Variants in ITPK1 observed in about 807,000 individuals in gnomAD.
ITPK1 encodes the protein inositol 1,3,4-trisphosphate 5/6-kinase.
Under a neutral mutation model 45.3 loss-of-function variants are expected in ITPK1, and 21 were observed. That is an observed-to-expected ratio of 0.46 (90% CI 0.33 to 0.67). The LOEUF (loss-of-function observed/expected upper bound fraction) is 0.67, where lower values mean the gene tolerates loss of function less well. Ranked by LOEUF, ITPK1 falls within the 30% of genes least tolerant of loss-of-function variation. The pLI, the probability that ITPK1 is intolerant of heterozygous loss-of-function variation, is 0.02. For missense variants in ITPK1, 474 were observed against 573.5 expected (o/e 0.83, Z 1.77); for synonymous variants, 258 against 253.6 (o/e 1.02, Z -0.16).
intron 5 of ITPK1, among the ~76,000 whole-genome samples, chr14:92,981,808 T>C (rs1886245403): frequency 6.6e-6 from 1 of 151,910 alleles, no homozygotes; most frequent in East Asian, 1.9e-4. Flanking sequence ...AAAGGGTCTG[T>C]GAGTAGGGAG....
intron 3 of ITPK1, among the ~76,000 whole-genome samples, chr14:93,075,397 C>T (rs1464108661): frequency 7.1e-6 from 1 of 140,500 alleles, no homozygotes; most frequent in Non-Finnish European, 1.5e-5. Flanking sequence ...GCAGAACATG[C>T]AATTCTCCAG....
rs747076 is a variant in ITPK1 at position 93,002,606 on chromosome 14, C to T, written c.247-8609G>A. Among the ~76,000 whole-genome samples the T allele has an allele frequency of 4.9e-3, 741 of 152,326 alleles. 6 individuals are homozygous for T. The highest frequency in any genetic ancestry group is 0.017 in the African/African-American group (715 of 41,554). On this transcript the variant is annotated intron_variant, in intron 4 of 10. Transcript: ENST00000267615. ...ACTACCCCAAGGCGAGGCCACCAGC[C>T]TGACAGTCCAGGGAGGCCGGGTGTG...
chr14:93,093,713 G>A (rs1210273006), intron 2 of ITPK1, among the ~76,000 whole-genome samples: 1 of 152,198 alleles, frequency 6.6e-6, no homozygotes, highest in Admixed American at 6.5e-5. Context: ...AGGAATAGCC[G>A]AGGTTGCTAA....
At chr14:92,948,317 G>A (rs1012578712) in intron 9 of ITPK1, among the ~76,000 whole-genome samples, 4 of 152,092 alleles carry the variant, frequency 2.6e-5, no homozygotes, top group Non-Finnish European at 4.4e-5. Context: ...TGAATTATTC[G>A]CTTTAAAATG....
At chr14:93,045,395 C>T (rs1889730477) in intron 3 of ITPK1, among the ~76,000 whole-genome samples, 1 of 152,220 alleles carries the variant, frequency 6.6e-6, no homozygotes, top group Admixed American at 6.5e-5. Context: ...TGGAAGTAGG[C>T]TATGCTGCCC....
At chr14:93,085,086 CCCCTGCCCGCCTG>C (rs1280994494) in intron 2 of ITPK1, among the ~76,000 whole-genome samples, 2 of 152,242 alleles carry the variant, frequency 1.3e-5, no homozygotes, top group Admixed American at 1.3e-4. Context: ...CCCCGTGTCA[CCCCTGCCCGCCTG>C]CCCTGCGGCA....
intron 8 of ITPK1, among the ~76,000 whole-genome samples, chr14:92,955,037 G>T (rs1338294419): frequency 6.6e-6 from 1 of 152,178 alleles, no homozygotes; most frequent in Non-Finnish European, 1.5e-5. Context: ...CCTAGTCCCT[G>T]ACTGGATCCC....
chr14:92,947,200 A>G (rs1887732518), intron 9 of ITPK1, among the ~76,000 whole-genome samples: 1 of 152,234 alleles, frequency 6.6e-6, no homozygotes, highest in Non-Finnish European at 1.5e-5. Flanking sequence ...GCTGTTTCCA[A>G]ATGAACTCAC....
chr14:93,012,772 G>T lies in ITPK1; in HGVS notation c.246+3904C>A, dbSNP rs1001751466. ...CCGTCCTTCCAGCTGATAAAGACAGGGCAAAGGCAGCAGTTGAGACTGAAA... is the reference window on the plus strand; with the variant it reads ...CCGTCCTTCCAGCTGATAAAGACAGTGCAAAGGCAGCAGTTGAGACTGAAA... On this transcript the variant is annotated intron_variant, in intron 4 of 10. Coordinates refer to ENST00000267615, the MANE Select transcript of ITPK1 (RefSeq NM_014216.6). This position sits in a 1 kb window ranked among gnomAD's most constrained non-coding sequence, Gnocchi z 4.9. Among the ~76,000 whole-genome samples, 1 of 152,166 alleles carries T rather than the reference G, an allele frequency of 6.6e-6. No homozygotes were observed. The highest frequency in any genetic ancestry group is 1.9e-4 in the East Asian group (1 of 5,202).
chr14:92,942,655 C>A, intron 10 of ITPK1, among the ~76,000 whole-genome samples: 1 of 152,226 alleles, frequency 6.6e-6, no homozygotes, highest in Non-Finnish European at 1.5e-5. Context: ...ATCACATGCT[C>A]CCCTTAACAG....
At chr14:93,019,113 T>C (rs1364787145) in intron 3 of ITPK1, among the ~76,000 whole-genome samples, 3 of 152,178 alleles carry the variant, frequency 2.0e-5, no homozygotes, top group African/African-American at 4.8e-5. Flanking sequence ...CCATTTCCAC[T>C]ACAGCCTGTG....
intron 2 of ITPK1, among the ~76,000 whole-genome samples, chr14:93,091,685 T>A (rs2140007065): frequency 6.6e-6 from 1 of 152,276 alleles, no homozygotes; most frequent in East Asian, 1.9e-4. Context: ...CATAGTGGCA[T>A]CCAGTCAGTG....
intron 8 of ITPK1, among the ~76,000 whole-genome samples, chr14:92,957,276 G>A (rs1488871631): frequency 6.6e-6 from 1 of 152,232 alleles, no homozygotes; most frequent in Non-Finnish European, 1.5e-5. Context: ...CAGCTGATTT[G>A]AACAAGCCAC....
intron 2 of ITPK1, among the ~76,000 whole-genome samples, chr14:93,077,053 T>A (rs540632949): frequency 6.6e-6 from 1 of 152,230 alleles, no homozygotes; most frequent in African/African-American, 2.4e-5. Flanking sequence ...CAGCCAGTCA[T>A]GCCCCAACCC....
chr14:93,053,426 C>A (rs1381170805), intron 3 of ITPK1, among the ~76,000 whole-genome samples: 1 of 152,220 alleles, frequency 6.6e-6, no homozygotes, highest in African/African-American at 2.4e-5. Flanking sequence ...AGCCAGTGCT[C>A]AAGAGCTGCC....
chr14:93,033,107 C>G (rs528191377), intron 3 of ITPK1, among the ~76,000 whole-genome samples: 3 of 152,218 alleles, frequency 2.0e-5, no homozygotes, highest in Non-Finnish European at 4.4e-5. Flanking sequence ...TCAGCACACT[C>G]AAATTTGTTG....
chr14:93,058,121 A>G (rs1214610276), intron 3 of ITPK1, among the ~76,000 whole-genome samples: 1 of 152,044 alleles, frequency 6.6e-6, no homozygotes, highest in Non-Finnish European at 1.5e-5. Context: ...CAGCAACAGA[A>G]GGAATGAAGG....
rs376125197 is a variant in ITPK1 at position 92,958,226 on chromosome 14, G to C, written c.645C>G (p.Leu215=). 2 of 1,614,200 alleles carry C rather than the reference G, an allele frequency of 1.2e-6. No individual in the cohort carries two copies. Among genetic ancestry groups the C allele is most frequent in the Non-Finnish European group, 1.7e-6 (2 of 1,180,028 alleles). Residue 215 remains leucine (L), a synonymous_variant, in exon 8 of 11, where the codon CTC becomes CTG. Coordinates refer to ENST00000267615, the MANE Select transcript of ITPK1 (RefSeq NM_014216.6). The surrounding 1 kb of genome is among the most constrained non-coding windows in gnomAD (Gnocchi z 4.4). ...CTGATGTGCCTGCGGAGAAGTTCTT[G>C]AGTGAGGGCCTCTGGACCACGGTGT... ...ESYTVVQRPS[L]KNFSAGTSDR... is the part of the protein sequence containing the mutation.
chr14:93,026,663 A>T (rs1370199657), intron 3 of ITPK1, among the ~76,000 whole-genome samples: 1 of 152,222 alleles, frequency 6.6e-6, no homozygotes, highest in Non-Finnish European at 1.5e-5. Context: ...ACTCACACAC[A>T]TTGCTGCACT....
Sources: allele counts gnomAD v4.1 joint callset (sites outside exome capture counted in the v4.1 genomes callset), GRCh38; gene constraint gnomAD v4.1.1; non-coding constraint Gnocchi (gnomAD v3.1); transcripts MANE v1.5; gene names NCBI Gene and HGNC (gene_info 2026-07-23, HGNC 2026-07-21).